The following USP34 variants were observed in gnomAD, a reference collection of about 807,000 sequenced individuals.
USP34 encodes ubiquitin specific peptidase 34.
A neutral mutation model predicts 460.3 loss-of-function variants in USP34; 70 were observed. That is an observed-to-expected ratio of 0.15 (90% CI 0.13 to 0.19). The LOEUF is 0.19. USP34 is among the 10% of genes least tolerant of loss of function. The pLI, the probability that USP34 is intolerant of heterozygous loss-of-function variation, is 1.00. For synonymous variants in USP34, 1,647 were observed against 1,405.3 expected, an observed-to-expected ratio of 1.17 and a Z score of -3.85; for missense variants, 3,985 against 4,236.2, an observed-to-expected ratio of 0.94 and a Z score of 1.65.
chr2:61,445,177 AC>A (rs904191255), intron 1 of USP34, among the ~76,000 whole-genome samples: 5 of 148,516 alleles, frequency 3.4e-5, no homozygotes, highest in Non-Finnish European at 4.5e-5. Context: ...ACACACACAC[AC>A]AAAAAAATGC....
chr2:61,254,489 G>A (rs1688668326), intron 48 of USP34, among the ~76,000 whole-genome samples: 1 of 152,174 alleles, frequency 6.6e-6, no homozygotes, highest in African/African-American at 2.4e-5. Flanking sequence ...AATGCAGGCT[G>A]GCCTAATCCT....
intron 29 of USP34, among the ~76,000 whole-genome samples, chr2:61,297,425 T>A (rs1407017263): frequency 6.6e-6 from 1 of 152,236 alleles, no homozygotes; most frequent in Non-Finnish European, 1.5e-5. Flanking sequence ...GAGACCTATT[T>A]TTTTCCATTA....
intron 1 of USP34, among the ~76,000 whole-genome samples, chr2:61,449,381 C>G (rs1212297126): frequency 6.6e-6 from 1 of 151,706 alleles, no homozygotes; most frequent in Non-Finnish European, 1.5e-5. Flanking sequence ...AGTAATAATC[C>G]TCAACTTGAT....
chr2:61,235,793 G>T, intron 57 of USP34, 52 bp downstream of exon 57: 1 of 1,313,818 alleles, frequency 7.6e-7, no homozygotes, highest in Non-Finnish European at 1.0e-6. Context: ...CAGAGGGGGG[G>T]AAAAAAAAAA....
intron 48 of USP34, among the ~76,000 whole-genome samples, chr2:61,250,893 C>A (rs1358353371): frequency 2.6e-5 from 4 of 152,174 alleles, no homozygotes; most frequent in African/African-American, 4.8e-5. Flanking sequence ...AATCCCAGCA[C>A]TTTGGGAGGC....
At chr2:61,257,899 A>C (rs1420907873) in intron 44 of USP34, among the ~76,000 whole-genome samples, 1 of 152,200 alleles carries the variant, frequency 6.6e-6, no homozygotes, top group Non-Finnish European at 1.5e-5. Context: ...AACAAACAAA[A>C]AAAACACTCA....
intron 15 of USP34, 48 bp downstream of exon 15, chr2:61,347,822 T>G: frequency 6.3e-7 from 1 of 1,588,140 alleles, no homozygotes; most frequent in Non-Finnish European, 8.6e-7. Context: ...GATATAATAC[T>G]TCCCTAAAGG....
At chr2:61,328,154 G>A (rs868715619) in intron 20 of USP34, among the ~76,000 whole-genome samples, 3 of 151,482 alleles carry the variant, frequency 2.0e-5, no homozygotes, top group South Asian at 2.1e-4. Context: ...AAGCGAAAAC[G>A]AGCCGGGTGC....
At position 61,278,193 on chromosome 2, in the gene USP34, G is replaced by T; in HGVS notation, c.5405C>A (p.Pro1802Gln). The stretch of plus-strand genomic sequence containing the variant: ...TCCTTCCCTTGAAAATTTAAAGGGT[G>T]GTTTGTGTTTAACAACACTTGTTGC... ...RLATSVVKHK[P>Q]PFKFSREGQE... Residue 1802 changes from proline to glutamine, a missense_variant, in exon 41 of 80, where the codon CCA becomes CAA. Physicochemically the swap from Pro to Gln is moderately conservative, Grantham distance 76. Around this residue, in one of 14 missense-constraint regions of USP34, gnomAD observed 1,114 missense variants for 1,122.5 expected, o/e 0.99. Transcript: ENST00000398571. 2 of 1,613,234 alleles carry T rather than the reference G, an allele frequency of 1.2e-6. No homozygotes were observed. The highest frequency in any genetic ancestry group is 1.7e-6 in the Non-Finnish European group (2 of 1,179,584).
At chr2:61,383,247 T>C (rs1364595751) in intron 6 of USP34, 22 bp downstream of exon 6, 4 of 1,554,294 alleles carry the variant, frequency 2.6e-6, no homozygotes, top group South Asian at 1.2e-5. Flanking sequence ...TAATCGGGGG[T>C]AAAGAAATTT....
At chr2:61,410,011 A>G (rs946056650) in intron 2 of USP34, among the ~76,000 whole-genome samples, 1 of 152,220 alleles carries the variant, frequency 6.6e-6, no homozygotes, top group Non-Finnish European at 1.5e-5. Flanking sequence ...TGAATTCTCA[A>G]TACGGCGTTT....
intron 18 of USP34, among the ~76,000 whole-genome samples, chr2:61,334,445 G>C (rs1227760799): frequency 6.6e-6 from 1 of 152,134 alleles, no homozygotes; most frequent in Admixed American, 6.5e-5. Flanking sequence ...CCTATCCTCT[G>C]AAAGGAACAG....
chr2:61,232,314 G>C (rs527466251), intron 58 of USP34, 138 bp downstream of exon 58: 1 of 699,744 alleles, frequency 1.4e-6, no homozygotes, highest in African/African-American at 1.8e-5. Context: ...ACAACAAAAT[G>C]ACTTTTATGA....
intron 1 of USP34, among the ~76,000 whole-genome samples, chr2:61,459,491 C>T (rs981143614): frequency 5.3e-5 from 8 of 152,098 alleles, no homozygotes; most frequent in African/African-American, 1.9e-4. Context: ...TACTTGAAAA[C>T]AGGCCAGGCA....
At chr2:61,371,693 G>A (rs1436171524) in intron 8 of USP34, among the ~76,000 whole-genome samples, 1 of 152,138 alleles carries the variant, frequency 6.6e-6, no homozygotes, top group Non-Finnish European at 1.5e-5. Flanking sequence ...CAGTAGTGTA[G>A]AGTCACATCC....
chr2:61,417,015 C>T (rs1694217109), intron 2 of USP34: 3 of 1,324,820 alleles, frequency 2.3e-6, no homozygotes, highest in Non-Finnish European at 3.2e-6. Context: ...TGGTGAAGCC[C>T]CACTTCTTCC....
At chr2:61,469,652 A>C (rs1272458823) in intron 1 of USP34, among the ~76,000 whole-genome samples, 5 of 152,226 alleles carry the variant, frequency 3.3e-5, no homozygotes, top group Admixed American at 2.6e-4. Flanking sequence ...AAAATTAGAT[A>C]GTCTGAAAGT....
At chr2:61,422,397 G>A (rs974575471) in intron 1 of USP34, among the ~76,000 whole-genome samples, 2 of 152,090 alleles carry the variant, frequency 1.3e-5, no homozygotes, top group African/African-American at 2.4e-5. Context: ...CCAGAGGCCC[G>A]CCTGACAGCC....
At chr2:61,259,016 T>C (rs1011109351) in intron 44 of USP34, among the ~76,000 whole-genome samples, 1 of 152,002 alleles carries the variant, frequency 6.6e-6, no homozygotes, top group Non-Finnish European at 1.5e-5. Context: ...TCCCAACACT[T>C]TGGGAGGCTG....
Sources: allele counts gnomAD v4.1 joint callset (sites outside exome capture counted in the v4.1 genomes callset), GRCh38; gene constraint gnomAD v4.1.1; regional missense constraint gnomAD v4.1.1; transcripts MANE v1.5; gene names NCBI Gene and HGNC (gene_info 2026-07-23, HGNC 2026-07-21).